Variants in RNF5 observed in about 807,000 individuals in gnomAD.
RNF5 encodes the protein ring finger protein 5.
Under a neutral mutation model 24.4 loss-of-function variants are expected in RNF5, and 16 were observed. The observed-to-expected ratio is 0.66, with a 90% CI of 0.44 to 1.00. RNF5 has a LOEUF of 1.00. Ranked by LOEUF, RNF5 falls within the 50% of genes least tolerant of loss-of-function variation. RNF5 has a pLI of 0.00. For missense variants in RNF5, 185 were observed against 236.7 expected (o/e 0.78, Z 1.43); for synonymous variants, 64 against 88.5 (o/e 0.72, Z 1.55).
rs1785884594 is a variant in RNF5 at position 32,179,457 on chromosome 6, A to C, written c.141-84A>C. The C allele has an allele frequency of 6.4e-7, 1 of 1,550,750 alleles. No homozygotes were observed. The highest frequency in any genetic ancestry group is 8.9e-7 in the Non-Finnish European group (1 of 1,126,098). On this transcript the variant is annotated intron_variant, in intron 1 of 5. Coordinates refer to ENST00000375094, the MANE Select transcript of RNF5 (RefSeq NM_006913.4). This position sits in a 1 kb window ranked among gnomAD's most constrained non-coding sequence, Gnocchi z 5.4. ...AGCAGGTTGCTTGGGAAGAGGGGTT[A>C]GATGGGATTCTGCGAAGTCTAGGGT... is the stretch of plus-strand genomic sequence containing the variant.
chr6:32,180,431 T>C lies in RNF5; in HGVS notation c.*105T>C. ...ACCCCCTTGACCCCTCTATTTCTGT[T>C]GGCTAAGGCCAGCCCTGGACATTGT... On this transcript the variant is annotated 3_prime_UTR_variant, in exon 6 of 6. Transcript: ENST00000375094. 1 of 1,030,934 alleles carries C rather than the reference T, an allele frequency of 9.7e-7. No homozygotes were observed. Among genetic ancestry groups the C allele is most frequent in the Non-Finnish European group, 1.5e-6 (1 of 670,722 alleles). 63.9% of individuals were successfully genotyped at this position (1,030,934 alleles called of 1,614,324 possible). A position where few individuals can be genotyped will look rare whatever the true frequency, so the allele number is the denominator to read the frequency against.
Position 32,179,557 on chromosome 6 carries a change from C to A in RNF5, c.157C>A (p.Gln53Lys). ...CCCATCCAGTTGGCCATGTCTTCAT[C>A]AGGTGCGTACTCAGGAGATGAAGAG... ...GHLYCWPCLH[Q>K]WLETRPERQE... Residue 53 changes from glutamine (Q) to lysine (K), a missense_variant and splice_region_variant, in exon 2 of 6, where the codon CAG (glutamine) becomes AAG (lysine). Physicochemically the swap from Gln to Lys is moderately conservative, Grantham distance 53. Coordinates refer to ENST00000375094, the MANE Select transcript of RNF5 (RefSeq NM_006913.4). This position sits in a 1 kb window ranked among gnomAD's most constrained non-coding sequence, Gnocchi z 5.4. 1.2e-6 allele frequency: 2 copies of A among 1,612,860 alleles called. No individual in the cohort carries two copies. Among genetic ancestry groups the A allele is most frequent in the Non-Finnish European group, 1.7e-6 (2 of 1,179,768 alleles).
intron 5 of RNF5, 26 bp downstream of exon 5, chr6:32,180,152 A>G (rs749831175): frequency 1.2e-6 from 2 of 1,608,112 alleles, no homozygotes; most frequent in Non-Finnish European, 1.7e-6. Flanking sequence ...AGCTCCCATC[A>G]GGGAGCCCTG....
intron 5 of RNF5, 35 bp from the exon 6 acceptor site, chr6:32,180,194 A>G: frequency 6.2e-7 from 1 of 1,610,512 alleles, no homozygotes; most frequent in Non-Finnish European, 8.5e-7. Flanking sequence ...CCAGCCTAGG[A>G]GCATATGCTT....
At position 32,180,699 on chromosome 6, in the gene RNF5, C is replaced by T. The variant is rs1017117607; in HGVS notation, c.*373C>T. On this transcript the variant is annotated 3_prime_UTR_variant, in exon 6 of 6. Transcript: ENST00000375094. ...ATCTTACTGATTTAATTTAATTTTT[C>T]ACTCCCCAGAGTCTAATATGGATTC... 1.4e-5 allele frequency: 5 copies of T among 352,846 alleles called. No individual in the cohort carries two copies. Among genetic ancestry groups the T allele is most frequent in the African/African-American group, 2.1e-5 (1 of 47,850 alleles). The allele number at this position is 352,846 out of a possible 1,614,324, so 21.9% of individuals were successfully genotyped here.
Position 32,179,551 on chromosome 6 carries a change from C to A in RNF5, c.151C>A (p.Leu51Ile). The A allele has an allele frequency of 2.5e-6, 4 of 1,612,122 alleles. No individual in the cohort carries two copies. The highest frequency in any genetic ancestry group is 3.4e-6 in the Non-Finnish European group (4 of 1,179,562). ...TTCTCCCCCATCCAGTTGGCCATGTCTTCATCAGGTGCGTACTCAGGAGAT... is the reference window on the plus strand; with the variant it reads ...TTCTCCCCCATCCAGTTGGCCATGTATTCATCAGGTGCGTACTCAGGAGAT... Reference protein sequence around the residue: ...VCGHLYCWPCLHQWLETRPER... With the variant: ...VCGHLYCWPCIHQWLETRPER... Residue 51 changes from leucine (L) to isoleucine (I), a missense_variant, in exon 2 of 6, where the codon CTT becomes ATT. Physicochemically the swap from Leu to Ile is conservative, Grantham distance 5. Coordinates refer to ENST00000375094, the MANE Select transcript of RNF5 (RefSeq NM_006913.4). The surrounding 1 kb of genome is among the most constrained non-coding windows in gnomAD (Gnocchi z 5.4).
Position 32,179,470 on chromosome 6 carries a change from C to T in RNF5, c.141-71C>T, listed in dbSNP as rs1162669558. On this transcript the variant is annotated intron_variant, in intron 1 of 5. Coordinates refer to ENST00000375094, the MANE Select transcript of RNF5 (RefSeq NM_006913.4). The surrounding 1 kb of genome is among the most constrained non-coding windows in gnomAD (Gnocchi z 5.4). ...GGAAGAGGGGTTAGATGGGATTCTG[C>T]GAAGTCTAGGGTCTGTGTCTCTCTT... 8 of 1,587,610 alleles carry T rather than the reference C, an allele frequency of 5.0e-6. No homozygotes were observed. Among genetic ancestry groups the T allele is most frequent in the Non-Finnish European group, 6.9e-6 (8 of 1,160,376 alleles).
chr6:32,180,500 G>C lies in RNF5; in HGVS notation c.*174G>C, dbSNP rs181176444. ...GAGGAGTGAAGTCTGTGCATAGATG[G>C]GAGAGCCTTCTGCTCAGAGGCTCAC... is the stretch of plus-strand genomic sequence containing the variant. On this transcript the variant is annotated 3_prime_UTR_variant, in exon 6 of 6. Coordinates refer to ENST00000375094, the MANE Select transcript of RNF5 (RefSeq NM_006913.4). 3.2e-4 allele frequency: 197 copies of C among 615,284 alleles called. 1 individual carries two copies. In the East Asian group the frequency reaches 4.8e-3, roughly 15 times the overall value. 38.1% of individuals were successfully genotyped at this position (615,284 alleles called of 1,614,324 possible). A position where few individuals can be genotyped will look rare whatever the true frequency, so the allele number is the denominator to read the frequency against.
chr6:32,178,561 A>T lies in RNF5; in HGVS notation c.50A>T (p.Glu17Val). The change falls in exon 1 of 6, where the codon GAG becomes GTG. Residue 17 changes from glutamate (E) to valine (V), a missense_variant. By Grantham distance (121) the Glu-to-Val change is moderately radical. Transcript: ENST00000375094. ...GGGGGCCCCGAAGGGCCAAATCGCG[A>T]GCGGGGCGGGGCGGGCGCGACCTTC... is the stretch of plus-strand genomic sequence containing the variant. ...EDGGPEGPNR[E>V]RGGAGATFEC... 6.2e-7 allele frequency: 1 copy of T among 1,609,152 alleles called. No homozygotes were observed. Among genetic ancestry groups the T allele is most frequent in the Non-Finnish European group, 8.5e-7 (1 of 1,178,678 alleles).
chr6:32,180,753 T>G lies in RNF5; in HGVS notation c.*427T>G. On this transcript the variant is annotated 3_prime_UTR_variant, in exon 6 of 6. Transcript: ENST00000375094. ...CTCTTAAGTGCTTCCGCCCCCTCAC[T>G]ACCTCCTTTAATACAAATTCAATAA... The G allele has an allele frequency of 3.0e-6, 1 of 337,432 alleles. No homozygotes were observed. Among genetic ancestry groups the G allele is most frequent in the East Asian group, 5.2e-5 (1 of 19,214 alleles). 20.9% of individuals were successfully genotyped at this position (337,432 alleles called of 1,614,324 possible). A position where few individuals can be genotyped will look rare whatever the true frequency, so the allele number is the denominator to read the frequency against.
At chr6:32,178,798 A>G (rs1325616325) in intron 1 of RNF5, 147 bp downstream of exon 1, 5 of 782,180 alleles carry the variant, frequency 6.4e-6, no homozygotes, top group Middle Eastern at 2.4e-4. Context: ...CTTTGCTGGT[A>G]TGTGTGGGTG....
rs756493801 is a variant in RNF5, at chr6:32,180,230, T to C, written c.447T>C (p.Gly149=). 20 of 1,612,532 alleles carry C rather than the reference T, an allele frequency of 1.2e-5. No homozygotes were observed. In the East Asian group the frequency reaches 2.7e-4, roughly 22 times the overall value. The change falls in exon 6 of 6, where the codon GGT becomes GGC. Residue 149 remains glycine, a splice_region_variant and synonymous_variant. Transcript: ENST00000375094. ...CCACAGCTTTCCTCTCTCCCACAGG[T>C]GTGGATCTGGGACAGGGTCACCCAG... ...NAHEPFRRGT[G]VDLGQGHPAS...
chr6:32,178,507 C>T lies in RNF5; in HGVS notation c.-5C>T. ...AAGGGTACGTGGGGCGAAACAAAAC[C>T]GGCCATGGCAGCAGCGGAGGAGGAG... On this transcript the variant is annotated 5_prime_UTR_variant, in exon 1 of 6. Transcript: ENST00000375094. The T allele has an allele frequency of 1.9e-6, 3 of 1,592,296 alleles. No homozygotes were observed. The highest frequency in any genetic ancestry group is 1.7e-4 in the Middle Eastern group (1 of 5,870).
In RNF5 at chr6:32,180,531, A is replaced by G. The variant is rs1786008453; in HGVS notation, c.*205A>G. The G allele has an allele frequency of 3.4e-6, 2 of 583,520 alleles. No homozygotes were observed. The allele number at this position is 583,520 out of a possible 1,614,324, so 36.1% of individuals were successfully genotyped here. On this transcript the variant is annotated 3_prime_UTR_variant, in exon 6 of 6. Transcript: ENST00000375094. ...CCTTCTGCTCAGAGGCTCACTCAGT[A>G]ACGTTGTTTAATTCTCTGCCCTGGG...
rs760219823 is a variant in RNF5, at chr6:32,179,773, TG to T, written c.272+12del. ...AGCCCCAGGATCCCAGGTGAGAGAC[TG>T]GAGGTGTTGCTTAGGGAAGATTGAA... On this transcript the variant is annotated intron_variant, in intron 3 of 5. Transcript: ENST00000375094. The surrounding 1 kb of genome is among the most constrained non-coding windows in gnomAD (Gnocchi z 5.4). The T allele has an allele frequency of 3.6e-5, 58 of 1,613,660 alleles. No individual in the cohort carries two copies. The highest frequency in any genetic ancestry group is 4.8e-5 in the Non-Finnish European group (57 of 1,179,682).
chr6:32,178,867 C>T (rs3134944), intron 1 of RNF5, among the ~76,000 whole-genome samples: 27,495 of 151,868 alleles, frequency 0.18, 2,641 homozygotes, highest in Non-Finnish European at 0.21. Context: ...AGCTGAGGCA[C>T]GTGATGTGCT....
In RNF5 at chr6:32,180,084, A is replaced by G; in HGVS notation, c.403A>G (p.Thr135Ala). The G allele has an allele frequency of 1.2e-6, 2 of 1,613,884 alleles. No individual in the cohort carries two copies. The highest frequency in any genetic ancestry group is 1.7e-6 in the Non-Finnish European group (2 of 1,179,992). The change falls in exon 5 of 6, where the codon ACC (threonine) becomes GCC (alanine). Residue 135 changes from threonine (T) to alanine (A), a missense_variant. Physicochemically the swap from Thr to Ala is moderately conservative, Grantham distance 58. Transcript: ENST00000375094. The stretch of plus-strand genomic sequence containing the variant: ...TGGTGCTTTTCCCTTTGGCTTTTTC[A>G]CCACCGTCTTCAATGCCCATGAGCC... The part of the protein sequence containing the change: ...GVGAFPFGFF[T>A]TVFNAHEPFR...
Position 32,180,357 on chromosome 6 carries a change from AGAG to A in RNF5, c.*32_*34del. The A allele has an allele frequency of 6.3e-7, 1 of 1,583,590 alleles. No homozygotes were observed. The highest frequency in any genetic ancestry group is 8.6e-7 in the Non-Finnish European group (1 of 1,165,682). On this transcript the variant is annotated 3_prime_UTR_variant, in exon 6 of 6. Transcript: ENST00000375094. ...GTCTGCTTCCTGCCCACCTCCAGCCAGAGAAGAATCAGTATTGAGGGTCCCTGC... is the reference window on the plus strand; with the variant it reads ...GTCTGCTTCCTGCCCACCTCCAGCCAAAGAATCAGTATTGAGGGTCCCTGC...
rs962968218 is a variant in RNF5, at chr6:32,179,078, G to C, written c.140+427G>C. ...GATCTGGGAGGGGGCTGGTATAAGG[G>C]CACTGTGGAGAGGCAGACTTGAAAG... is the stretch of plus-strand genomic sequence containing the variant. On this transcript the variant is annotated intron_variant, in intron 1 of 5. Transcript: ENST00000375094. This position sits in a 1 kb window ranked among gnomAD's most constrained non-coding sequence, Gnocchi z 5.4. Among the ~76,000 whole-genome samples, 1 of 152,136 alleles carries C rather than the reference G, an allele frequency of 6.6e-6. No individual in the cohort carries two copies. The highest frequency in any genetic ancestry group is 2.4e-5 in the African/African-American group (1 of 41,424).
Sources: allele counts gnomAD v4.1 joint callset (sites outside exome capture counted in the v4.1 genomes callset), GRCh38; gene constraint gnomAD v4.1.1; non-coding constraint Gnocchi (gnomAD v3.1); transcripts MANE v1.5; gene names NCBI Gene and HGNC (gene_info 2026-07-23, HGNC 2026-07-21).